Variants in DPYD observed in about 807,000 individuals in gnomAD.
DPYD encodes dihydropyrimidine dehydrogenase, also known as dihydropyrimidine dehydrogenase [NADP(+)].
DPYD carries 109 observed loss-of-function variants against 116.2 expected under a neutral mutation model. The ratio of observed to expected loss-of-function variants is 0.94; its 90% CI spans 0.80 to 1.10. The LOEUF (loss-of-function observed/expected upper bound fraction) is 1.10, where lower values mean the gene tolerates loss of function less well. DPYD is among the 50% of genes least tolerant of loss of function. DPYD has a pLI of 0.00. For missense variants in DPYD, 1,302 were observed against 1,254.5 expected (o/e 1.04, Z -0.57); for synonymous variants, 440 against 432.0 (o/e 1.02, Z -0.23).
intron 20 of DPYD, among the ~76,000 whole-genome samples, chr1:97,173,247 T>TACATATATATGCAC (rs1553227811): frequency 1.3e-4 from 16 of 123,842 alleles, no homozygotes; most frequent in African/African-American, 2.1e-4. Flanking sequence ...CACATATATG[T>TACATATATATGCAC]ACATATATGC....
At chr1:97,280,642 T>C (rs544922633) in intron 18 of DPYD, among the ~76,000 whole-genome samples, 1 of 151,714 alleles carries the variant, frequency 6.6e-6, no homozygotes, top group South Asian at 2.1e-4. Flanking sequence ...CCAGGCAGAG[T>C]AAGACAAATA....
chr1:97,542,875 A>G (rs1650558399), intron 12 of DPYD, among the ~76,000 whole-genome samples: 1 of 152,194 alleles, frequency 6.6e-6, no homozygotes, highest in African/African-American at 2.4e-5. Context: ...TTTTGCAACT[A>G]CCTAAAATAT....
At chr1:97,903,100 TACAA>T (rs536737280) in intron 1 of DPYD, among the ~76,000 whole-genome samples, 38 of 151,996 alleles carry the variant, frequency 2.5e-4, no homozygotes, top group Middle Eastern at 6.8e-3. Flanking sequence ...GCCACTTAAT[TACAA>T]ACAGTGTGGG....
intron 12 of DPYD, 129 bp downstream of exon 12, chr1:97,549,431 T>A (rs1651147528): frequency 1.5e-5 from 15 of 1,031,686 alleles, no homozygotes; most frequent in Non-Finnish European, 2.2e-5. Context: ...TATCCAAGTA[T>A]GTACGTGACA....
At chr1:97,707,601 T>G (rs1177103567) in intron 5 of DPYD, among the ~76,000 whole-genome samples, 1 of 151,996 alleles carries the variant, frequency 6.6e-6, no homozygotes, top group Non-Finnish European at 1.5e-5. Context: ...ATTTCATCCA[T>G]GGGAATTCCC....
intron 4 of DPYD, among the ~76,000 whole-genome samples, chr1:97,725,267 T>G (rs1663184006): frequency 6.6e-6 from 1 of 151,642 alleles, no homozygotes; most frequent in African/African-American, 2.4e-5. Flanking sequence ...TTCAAATTTA[T>G]ACTCTGAAAA....
chr1:97,259,024 T>A (rs1295519849), intron 18 of DPYD, among the ~76,000 whole-genome samples: 3 of 152,130 alleles, frequency 2.0e-5, no homozygotes, highest in Non-Finnish European at 4.4e-5. Flanking sequence ...TTTACTGTGA[T>A]AATTTTTAAA....
intron 16 of DPYD, among the ~76,000 whole-genome samples, chr1:97,315,543 T>C (rs1667780683): frequency 6.6e-6 from 1 of 151,976 alleles, no homozygotes; most frequent in East Asian, 1.9e-4. Context: ...GTCTGATTCC[T>C]GGAGGACTCA....
intron 11 of DPYD, among the ~76,000 whole-genome samples, chr1:97,570,366 A>C (rs930361176): frequency 2.0e-5 from 3 of 151,890 alleles, no homozygotes; most frequent in Non-Finnish European, 4.4e-5. Flanking sequence ...CATTACTTGA[A>C]TTTTTCAGTA....
At chr1:97,524,811 C>T (rs1166548551) in intron 12 of DPYD, among the ~76,000 whole-genome samples, 2 of 152,180 alleles carry the variant, frequency 1.3e-5, no homozygotes, top group Non-Finnish European at 2.9e-5. Flanking sequence ...TCAGACCTCT[C>T]CTCTGATTAG....
chr1:97,780,939 G>T (rs538259770), intron 3 of DPYD, among the ~76,000 whole-genome samples: 17 of 152,232 alleles, frequency 1.1e-4, no homozygotes, highest in Admixed American at 9.8e-4. Flanking sequence ...AAATATGAAC[G>T]TATCTTTAAC....
At chr1:97,766,807 G>A (rs887204947) in intron 3 of DPYD, among the ~76,000 whole-genome samples, 1 of 152,136 alleles carries the variant, frequency 6.6e-6, no homozygotes, top group African/African-American at 2.4e-5. Flanking sequence ...AAGTTTCATA[G>A]GTAAAATAGC....
At chr1:97,835,322 GT>G (rs1281731281) in intron 2 of DPYD, among the ~76,000 whole-genome samples, 1 of 152,010 alleles carries the variant, frequency 6.6e-6, no homozygotes, top group Admixed American at 6.5e-5. Flanking sequence ...CACTCAAAGT[GT>G]TATTGTAAAG....
intron 14 of DPYD, among the ~76,000 whole-genome samples, chr1:97,435,603 C>A (rs1419833144): frequency 6.6e-6 from 1 of 151,376 alleles, no homozygotes; most frequent in Non-Finnish European, 1.5e-5. Context: ...ATTATCTAAT[C>A]AAAAATAACA....
intron 12 of DPYD, 46 bp from the exon 13 acceptor site, chr1:97,515,987 G>A (rs1306960499): frequency 6.5e-7 from 1 of 1,541,606 alleles, no homozygotes; most frequent in Admixed American, 1.7e-5. Flanking sequence ...CATCTAAATT[G>A]TCCATATAAT....
chr1:97,078,783 T>A lies in DPYD; in HGVS notation c.*193A>T. Reference sequence around the variant, plus strand: ...CTCAGAAAAGAATTATTCTATTTTATGACCACTAATTGAATGGTCATTGAC... The same window carrying A: ...CTCAGAAAAGAATTATTCTATTTTAAGACCACTAATTGAATGGTCATTGAC... On this transcript the variant is annotated 3_prime_UTR_variant, in exon 23 of 23. Coordinates refer to ENST00000370192, the MANE Select transcript of DPYD (RefSeq NM_000110.4). 1 of 624,522 alleles carries A rather than the reference T, an allele frequency of 1.6e-6. No individual in the cohort carries two copies. Among genetic ancestry groups the A allele is most frequent in the Non-Finnish European group, 2.8e-6 (1 of 363,050 alleles). 38.7% of individuals were successfully genotyped at this position (624,522 alleles called of 1,614,324 possible). A position where few individuals can be genotyped will look rare whatever the true frequency, so the allele number is the denominator to read the frequency against.
chr1:97,465,191 G>A (rs980436083), intron 13 of DPYD, among the ~76,000 whole-genome samples: 1 of 152,164 alleles, frequency 6.6e-6, no homozygotes, highest in African/African-American at 2.4e-5. Flanking sequence ...CATTTGGAAT[G>A]GCTGTATTTA....
chr1:97,498,657 T>C (rs1679407020), intron 13 of DPYD, among the ~76,000 whole-genome samples: 1 of 151,750 alleles, frequency 6.6e-6, no homozygotes, highest in Non-Finnish European at 1.5e-5. Flanking sequence ...TTTTACATTT[T>C]TTATATATTG....
chr1:97,883,468 G>A lies in DPYD; in HGVS notation c.40-94C>T, dbSNP rs146640447. The A allele has an allele frequency of 9.2e-5, 88 of 957,674 alleles. 1 individual carries two copies. The African/African-American group carries it at 1.1e-3, about 11-fold the overall frequency. 59.3% of individuals were successfully genotyped at this position (957,674 alleles called of 1,614,324 possible). ...TTTATTTTTATTTATTTTGAGACAC[G>A]GTCTCTCTCACTTTGTCACCCAGGC... On this transcript the variant is annotated intron_variant, in intron 1 of 22. Coordinates refer to ENST00000370192, the MANE Select transcript of DPYD (RefSeq NM_000110.4).
Sources: allele counts gnomAD v4.1 joint callset (sites outside exome capture counted in the v4.1 genomes callset), GRCh38; gene constraint gnomAD v4.1.1; transcripts MANE v1.5; gene names NCBI Gene and HGNC (gene_info 2026-07-23, HGNC 2026-07-21).